NUP210L: variants seen among roughly 807,000 people sequenced by gnomAD.
The protein encoded by NUP210L is nucleoporin 210 like.
NUP210L carries 74 observed loss-of-function variants against 208.5 expected under a neutral mutation model. The ratio of observed to expected loss-of-function variants is 0.35; its 90% CI spans 0.29 to 0.43. The LOEUF is 0.43. NUP210L is among the 20% of genes least tolerant of loss of function. The pLI, the probability that NUP210L is intolerant of heterozygous loss-of-function variation, is 1.00. For synonymous variants in NUP210L, 780 were observed against 816.9 expected (o/e 0.95, Z 0.77); for missense variants, 1,843 against 2,289.4 (o/e 0.81, Z 3.98).
chr1:154,079,197 T>C (rs1655187452), intron 16 of NUP210L, among the ~76,000 whole-genome samples: 1 of 152,158 alleles, frequency 6.6e-6, no homozygotes, highest in South Asian at 2.1e-4. Flanking sequence ...AGTTCAAGGC[T>C]GCAGTGAGCT....
intron 33 of NUP210L, among the ~76,000 whole-genome samples, chr1:154,015,953 T>TAAAA (rs869225537): frequency 5.8e-4 from 80 of 136,870 alleles, no homozygotes; most frequent in African/African-American, 1.2e-3. Context: ...AATAAATAAA[T>TAAAA]AAAAATAAAA....
intron 35 of NUP210L, among the ~76,000 whole-genome samples, chr1:154,004,892 C>T (rs1650425413): frequency 1.6e-5 from 2 of 124,452 alleles, no homozygotes; most frequent in African/African-American, 3.0e-5. Flanking sequence ...CTCACTCTAT[C>T]GCCCAGGCTG....
chr1:154,056,717 G>T, intron 23 of NUP210L, 98 bp downstream of exon 23: 1 of 1,268,620 alleles, frequency 7.9e-7, no homozygotes, highest in African/African-American at 1.5e-5. Flanking sequence ...ACTGTGCCCA[G>T]CCAGTCAAAT....
At chr1:154,136,135 T>C (rs753254209) in intron 6 of NUP210L, among the ~76,000 whole-genome samples, 163 bp from the exon 7 acceptor site, 4 of 152,178 alleles carry the variant, frequency 2.6e-5, no homozygotes, top group Admixed American at 6.5e-5. Context: ...ATGTAACCAT[T>C]TGGGGGGAGT....
rs1557944240 is a variant in NUP210L at position 154,055,151 on chromosome 1, CTTTCTTTCTT to C, written c.3241-329_3241-320del. 4.6e-3 allele frequency among the ~76,000 whole-genome samples: 551 copies of C among 118,954 alleles called. 8 individuals carry two copies. The highest frequency in any genetic ancestry group is 0.015 in the African/African-American group (525 of 35,294). The allele number at this position is 118,954 out of a possible 152,430, so 78.0% of individuals were successfully genotyped here. ...TCTTTCTTTCTTTCTTTCTTTCTTTCTTTCTTTCTTTCTTTCTTTCTTTCTTTCTTTCTTT... is the reference window on the plus strand; with the variant it reads ...TCTTTCTTTCTTTCTTTCTTTCTTTCTCTTTCTTTCTTTCTTTCTTTCTTT... On this transcript the variant is annotated intron_variant, in intron 23 of 39. Transcript: ENST00000368559.
chr1:154,153,325 T>C (rs1326290217), intron 1 of NUP210L, among the ~76,000 whole-genome samples: 1 of 152,114 alleles, frequency 6.6e-6, no homozygotes, highest in African/African-American at 2.4e-5. Flanking sequence ...TATTATTATG[T>C]TTTTGAGACC....
chr1:154,087,598 A>G (rs1655692014), intron 16 of NUP210L, among the ~76,000 whole-genome samples: 1 of 152,208 alleles, frequency 6.6e-6, no homozygotes, highest in African/African-American at 2.4e-5. Context: ...TATATACTCA[A>G]GAGAAATGAA....
At chr1:154,107,823 G>GCA in intron 12 of NUP210L, among the ~76,000 whole-genome samples, 1 of 150,586 alleles carries the variant, frequency 6.6e-6, no homozygotes, top group East Asian at 2.0e-4. Context: ...CAGAGATCAT[G>GCA]CCACTGCACT....
chr1:154,000,192 C>T (rs965705204), intron 37 of NUP210L, among the ~76,000 whole-genome samples: 11 of 152,116 alleles, frequency 7.2e-5, no homozygotes, highest in African/African-American at 2.7e-4. Context: ...AGAAAGCTAC[C>T]TAAAGGTTGT....
rs888066631 is a variant in NUP210L at position 154,145,439 on chromosome 1, G to GA, written c.341-1863dup. Among the ~76,000 whole-genome samples the GA allele has an allele frequency of 1.4e-3, 214 of 150,288 alleles. 4 individuals are homozygous for GA. The highest frequency in any genetic ancestry group is 2.2e-4 in the Non-Finnish European group (15 of 67,478). On this transcript the variant is annotated intron_variant, in intron 2 of 39. Coordinates refer to ENST00000368559, the Ensembl canonical transcript of NUP210L. Reference sequence around the variant, plus strand: ...TCTACAAAAAAAAAAATTAAACATTGAAAAAAAAATCAAAGGAGAATGTTA... The same window carrying GA: ...TCTACAAAAAAAAAAATTAAACATTGAAAAAAAAAATCAAAGGAGAATGTTA...
chr1:154,114,782 G>T (rs866622808), intron 12 of NUP210L, among the ~76,000 whole-genome samples: 13 of 150,832 alleles, frequency 8.6e-5, no homozygotes, highest in South Asian at 2.1e-4. Flanking sequence ...AAGAGATGGG[G>T]GGGGGGGTCT....
chr1:154,084,748 C>T (rs1431459922), intron 16 of NUP210L, among the ~76,000 whole-genome samples: 3 of 143,704 alleles, frequency 2.1e-5, no homozygotes, highest in East Asian at 4.2e-4. Flanking sequence ...GCTGGGATTA[C>T]AAGCATGAGC....
rs772841982 is a variant in NUP210L, at chr1:153,995,224, C to T, written c.5387-44G>A. ...AAAACAAGATAATAGTTAATAGCAA[C>T]CATGGGCAGATGCTGCATTTTTTAA... On this transcript the variant is annotated intron_variant, in intron 37 of 39. Coordinates refer to ENST00000368559, the Ensembl canonical transcript of NUP210L. 3 of 1,336,686 alleles carry T rather than the reference C, an allele frequency of 2.2e-6. No individual in the cohort carries two copies. In the East Asian group the frequency reaches 6.9e-5, roughly 31 times the overall value. 82.8% of individuals were successfully genotyped at this position (1,336,686 alleles called of 1,614,324 possible). A position where few individuals can be genotyped will look rare whatever the true frequency, so the allele number is the denominator to read the frequency against.
intron 16 of NUP210L, among the ~76,000 whole-genome samples, chr1:154,074,704 C>T (rs998264918): frequency 3.3e-5 from 5 of 152,120 alleles, no homozygotes; most frequent in African/African-American, 1.2e-4. Flanking sequence ...GTTGGCCAGG[C>T]TGGTCTCGAA....
exon 1 of NUP210L, chr1:154,155,003 C>T (rs759839846): frequency 6.2e-7 from 1 of 1,613,152 alleles, no homozygotes; most frequent in Admixed American, 1.7e-5. Context: ...AGAAAAAGAG[C>T]CCGAAGCCTC....
chr1:154,073,814 CAATAAATAAATAAATA>C (rs3073948), intron 16 of NUP210L, among the ~76,000 whole-genome samples: 141 of 131,064 alleles, frequency 1.1e-3, no homozygotes, highest in Middle Eastern at 3.8e-3. Context: ...GACTCTGTCT[CAATAAATAAATAAATA>C]AATAAATAAA....
chr1:154,114,781 G>T (rs537573701), intron 12 of NUP210L, among the ~76,000 whole-genome samples: 6 of 145,756 alleles, frequency 4.1e-5, no homozygotes, highest in South Asian at 2.2e-4. Context: ...TAAGAGATGG[G>T]GGGGGGGGTC....
At chr1:154,035,092 G>A (rs1250949632) in intron 27 of NUP210L, among the ~76,000 whole-genome samples, 14 of 151,866 alleles carry the variant, frequency 9.2e-5, no homozygotes, top group South Asian at 2.1e-4. Flanking sequence ...TACCTGCCTC[G>A]GCCTCCCAAA....
At chr1:154,001,612 T>C (rs1171667664) in intron 36 of NUP210L, 123 bp downstream of exon 36, 1 of 1,081,710 alleles carries the variant, frequency 9.2e-7, no homozygotes, top group Non-Finnish European at 1.3e-6. Flanking sequence ...TTTGATTTTG[T>C]CATTTCCTAT....
Sources: allele counts gnomAD v4.1 joint callset (sites outside exome capture counted in the v4.1 genomes callset), GRCh38; gene constraint gnomAD v4.1.1; transcripts MANE v1.5; gene names NCBI Gene and HGNC (gene_info 2026-07-23, HGNC 2026-07-21).